PTCH1: variants seen among roughly 807,000 people sequenced by gnomAD.
PTCH1 encodes the protein patched 1, also known as protein patched homolog 1.
In PTCH1, 14 loss-of-function variants were observed where a neutral mutation model predicts 144.6. That is an observed-to-expected ratio of 0.10 (90% CI 0.06 to 0.15). PTCH1 has a LOEUF of 0.15. PTCH1 is among the 10% of genes least tolerant of loss of function. PTCH1 has a pLI of 1.00. For synonymous variants in PTCH1, 833 were observed against 793.6 expected (o/e 1.05, Z -0.83); for missense variants, 1,623 against 1,948.3 (o/e 0.83, Z 3.14).
At chr9:95,472,831 A>C (rs567211330) in intron 12 of PTCH1, among the ~76,000 whole-genome samples, 1 of 152,374 alleles carries the variant, frequency 6.6e-6, no homozygotes, top group African/African-American at 2.4e-5. Flanking sequence ...GGTGTACACC[A>C]AAATAGTAAA....
upstream of PTCH1, among the ~76,000 whole-genome samples, chr9:95,512,764 C>T (rs915143323): frequency 5.1e-4 from 77 of 152,200 alleles, no homozygotes; most frequent in South Asian, 4.1e-4. Flanking sequence ...AGGTGTCCTC[C>T]GGGAAGACAG....
At chr9:95,506,947 A>T in intron 1 of PTCH1, 1 of 1,029,870 alleles carries the variant, frequency 9.7e-7, no homozygotes, top group Non-Finnish European at 1.2e-6. Context: ...CCCAGAGCTG[A>T]GAAGGGAGGG....
chr9:95,477,538 C>T lies in PTCH1; in HGVS notation c.1503+9G>A, dbSNP rs1188833495. 1.9e-6 allele frequency: 3 copies of T among 1,614,030 alleles called. No individual in the cohort carries two copies. The highest frequency in any genetic ancestry group is 1.7e-5 in the Admixed American group (1 of 59,996). ...TCAACGGACAGCAGATAAATGGCTC[C>T]TTTAGTACCTGAGTTGTTGCAGCGT... On this transcript the variant is annotated intron_variant, in intron 10 of 23. Coordinates refer to ENST00000331920, the MANE Select transcript of PTCH1 (RefSeq NM_000264.5).
At chr9:95,454,069 G>C (rs1838703763) in intron 19 of PTCH1, among the ~76,000 whole-genome samples, 1 of 152,194 alleles carries the variant, frequency 6.6e-6, no homozygotes, top group Non-Finnish European at 1.5e-5. Flanking sequence ...GCAGAGGTGA[G>C]ACCTTCTGTC....
In PTCH1 at chr9:95,459,758, G is replaced by A. The variant is rs2136673014; in HGVS notation, c.2729C>T (p.Ala910Val). ...AGCGCTGGGATTAATGATGCCATCT[G>A]CATCCACCAGACGCTGTTTAGTCAA... is the stretch of plus-strand genomic sequence containing the variant. The part of the protein sequence containing the change: ...SQLTKQRLVD[A>V]DGIINPSAFY... Residue 910 changes from alanine (A) to valine (V), a missense_variant, in exon 17 of 24, where the codon GCA becomes GTA. This residue lies in a region of PTCH1 where 504 missense variants were observed against 679.3 expected (regional missense o/e 0.74). Coordinates refer to ENST00000331920, the MANE Select transcript of PTCH1 (RefSeq NM_000264.5). The A allele has an allele frequency of 6.2e-7, 1 of 1,614,186 alleles. No individual in the cohort carries two copies. The highest frequency in any genetic ancestry group is 8.5e-7 in the Non-Finnish European group (1 of 1,180,030).
Position 95,467,407 on chromosome 9 carries a change from A to G in PTCH1, c.2269T>C (p.Phe757Leu). Residue 757 changes from phenylalanine to leucine, a missense_variant, in exon 15 of 24, where the codon TTT becomes CTT. By Grantham distance (22) the Phe-to-Leu change is conservative. Coordinates refer to ENST00000331920, the MANE Select transcript of PTCH1 (RefSeq NM_000264.5). ...AGGCTGACCCCCAGCAAGCCCAGAA[A>G]AAGGAAGATCACCACTACCTGGAAC... The part of the protein sequence containing the change: ...PKAKVVVIFL[F>L]LGLLGVSLYG... 1.2e-6 allele frequency: 2 copies of G among 1,614,162 alleles called. No individual in the cohort carries two copies. Among genetic ancestry groups the G allele is most frequent in the Non-Finnish European group, 1.7e-6 (2 of 1,180,040 alleles).
intron 3 of PTCH1, chr9:95,482,879 C>T (rs1841661658): frequency 6.5e-6 from 1 of 153,282 alleles, no homozygotes; most frequent in Non-Finnish European, 1.5e-5. Flanking sequence ...TGAAATCAGC[C>T]TGGGCAGCAA....
chr9:95,481,715 G>A (rs1841546807), intron 5 of PTCH1: 1 of 571,974 alleles, frequency 1.7e-6, no homozygotes, highest in Admixed American at 3.1e-5. Flanking sequence ...ATATAAATAG[G>A]TTGGTAAAAG....
chr9:95,450,047 C>T (rs1838329699), intron 20 of PTCH1, 107 bp from the exon 21 acceptor site: 3 of 997,266 alleles, frequency 3.0e-6, no homozygotes, highest in African/African-American at 3.2e-5. Flanking sequence ...GAACAAAACC[C>T]ACCCCACTGA....
Position 95,456,330 on chromosome 9 carries a change from G to A in PTCH1, c.3252C>T (p.Val1084=), listed in dbSNP as rs201094264. The part of the protein sequence containing the change: ...IGIKLSAVPV[V]ILIASVGIGV... ...CTATGCCAACAGAAGCGATCAGGAT[G>A]ACCACGGGCACGGCACTGAGCTTGA... The change falls in exon 19 of 24, where the codon GTC becomes GTT. Residue 1084 remains valine (V), a synonymous_variant. Coordinates refer to ENST00000331920, the MANE Select transcript of PTCH1 (RefSeq NM_000264.5). The A allele has an allele frequency of 1.2e-6, 2 of 1,614,094 alleles. No individual in the cohort carries two copies. The highest frequency in any genetic ancestry group is 1.7e-6 in the Non-Finnish European group (2 of 1,180,044).
chr9:95,461,609 CT>C (rs1182805708), intron 16 of PTCH1, among the ~76,000 whole-genome samples: 1 of 152,232 alleles, frequency 6.6e-6, no homozygotes, highest in Non-Finnish European at 1.5e-5. Context: ...GACAATTGTT[CT>C]GGTGGTAGGA....
intron 1 of PTCH1, among the ~76,000 whole-genome samples, chr9:95,515,662 C>T (rs969987238): frequency 2.0e-5 from 3 of 152,298 alleles, no homozygotes; most frequent in Middle Eastern, 6.8e-3. Context: ...TCCCCTGAGG[C>T]CGCACTCTGC....
Position 95,463,125 on chromosome 9 carries a change from C to T in PTCH1, c.2561-1127G>A, listed in dbSNP as rs142543970. On this transcript the variant is annotated intron_variant, in intron 15 of 23. Transcript: ENST00000331920. The stretch of plus-strand genomic sequence containing the variant: ...GACACGGCTAGTAAGAAGGGAGAAG[C>T]GTTTATTTCATTTCGGGACATGCCT... Among the ~76,000 whole-genome samples, 462 of 152,044 alleles carry T rather than the reference C, an allele frequency of 3.0e-3. 6 individuals are homozygous for T. Among genetic ancestry groups the T allele is most frequent in the African/African-American group, 0.011 (445 of 41,478 alleles).
chr9:95,483,670 C>G (rs1300984588), intron 3 of PTCH1: 2 of 152,218 alleles, frequency 1.3e-5, no homozygotes, highest in Non-Finnish European at 2.9e-5. Flanking sequence ...GGGGACCGCC[C>G]ACGTTTCCTT....
At chr9:95,481,927 G>A in intron 5 of PTCH1, 22 bp downstream of exon 5, 1 of 1,577,888 alleles carries the variant, frequency 6.3e-7, no homozygotes, top group Non-Finnish European at 8.7e-7. Flanking sequence ...ACAGACATCA[G>A]AAAGCATGAT....
chr9:95,451,751 A>G (rs901091417), intron 20 of PTCH1: 19 of 152,228 alleles, frequency 1.2e-4, no homozygotes, highest in African/African-American at 4.1e-4. Flanking sequence ...AAATATGCAA[A>G]AGAAACTCTA....
Position 95,485,782 on chromosome 9 carries a change from T to C in PTCH1, c.487A>G (p.Lys163Glu), listed in dbSNP as rs1588622580. The C allele has an allele frequency of 6.2e-7, 1 of 1,614,222 alleles. No individual in the cohort carries two copies. ...GTCAGGACATTAGCACCTTCTTCTT[T>C]AGGGGTCTGTATCATGAGTTGAGGA... Reference protein sequence around the residue: ...FNPQLMIQTPKEEGANVLTTE... With the variant: ...FNPQLMIQTPEEEGANVLTTE... Residue 163 changes from lysine to glutamate, a missense_variant, in exon 3 of 24, where the codon AAA (lysine) becomes GAA (glutamate). Lys to Glu is a moderately conservative substitution (Grantham distance 56, BLOSUM62 1). Transcript: ENST00000331920.
At chr9:95,456,155 G>A in intron 19 of PTCH1, 121 bp downstream of exon 19, 2 of 1,467,950 alleles carry the variant, frequency 1.4e-6, no homozygotes, top group East Asian at 2.3e-5. Context: ...GGGCCCCTGT[G>A]CCCTGAGGCC....
intron 2 of PTCH1, among the ~76,000 whole-genome samples, chr9:95,501,557 A>G (rs1277687768): frequency 6.6e-6 from 1 of 151,142 alleles, no homozygotes; most frequent in Non-Finnish European, 1.5e-5. Context: ...AAAAAAAGTC[A>G]AAGTCACAAC....
Sources: allele counts gnomAD v4.1 joint callset (sites outside exome capture counted in the v4.1 genomes callset), GRCh38; gene constraint gnomAD v4.1.1; regional missense constraint gnomAD v4.1.1; transcripts MANE v1.5; gene names NCBI Gene and HGNC (gene_info 2026-07-23, HGNC 2026-07-21).